Variants in ANKRD17 observed in about 807,000 individuals in gnomAD.
ANKRD17 encodes ankyrin repeat domain-containing protein 17.
Under a neutral mutation model 229.7 loss-of-function variants are expected in ANKRD17, and 19 were observed. The observed-to-expected ratio is 0.08, with a 90% CI of 0.06 to 0.12. The LOEUF (loss-of-function observed/expected upper bound fraction) is 0.12, where lower values mean the gene tolerates loss of function less well. ANKRD17 is among the 10% of genes least tolerant of loss of function. The pLI, the probability that ANKRD17 is intolerant of heterozygous loss-of-function variation, is 1.00. For missense variants in ANKRD17, 2,176 were observed against 3,176.8 expected, an observed-to-expected ratio of 0.68 and a Z score of 7.57; for synonymous variants, 1,112 against 1,146.1, an observed-to-expected ratio of 0.97 and a Z score of 0.60.
intron 27 of ANKRD17, among the ~76,000 whole-genome samples, chr4:73,095,206 G>A (rs972959443): frequency 6.6e-6 from 1 of 151,970 alleles, no homozygotes; most frequent in African/African-American, 2.4e-5. Context: ...TTACTTCCCT[G>A]TATTCTTATA....
chr4:73,095,500 G>C (rs1399024015), intron 27 of ANKRD17, among the ~76,000 whole-genome samples: 1 of 151,276 alleles, frequency 6.6e-6, no homozygotes, highest in Admixed American at 6.6e-5. Context: ...TACTCGGGAG[G>C]CAGAGGCAGG....
chr4:73,088,812 C>G (rs1722474261), intron 29 of ANKRD17, among the ~76,000 whole-genome samples: 1 of 152,112 alleles, frequency 6.6e-6, no homozygotes, highest in Admixed American at 6.5e-5. Flanking sequence ...CCCGGAATGT[C>G]ATATTTCCAA....
intron 16 of ANKRD17, among the ~76,000 whole-genome samples, chr4:73,134,315 T>G (rs1438481254): frequency 1.3e-5 from 2 of 152,146 alleles, no homozygotes; most frequent in African/African-American, 2.4e-5. Flanking sequence ...TATATAAAAT[T>G]AAAAGTTTTA....
At position 73,258,769 on chromosome 4, in the gene ANKRD17, T is replaced by C; in HGVS notation, c.-101A>G. ...GGCCGACACAGCAATCGGTGCCGCC[T>C]CCGCCGCCACCGCCTCGGTCACCTC... On this transcript the variant is annotated 5_prime_UTR_variant, in exon 1 of 34. Coordinates refer to ENST00000358602, the MANE Select transcript of ANKRD17 (RefSeq NM_032217.5). The C allele has an allele frequency of 8.2e-7, 1 of 1,224,458 alleles. No individual in the cohort carries two copies. The highest frequency in any genetic ancestry group is 1.0e-6 in the Non-Finnish European group (1 of 983,508). The allele number at this position is 1,224,458 out of a possible 1,614,324, so 75.8% of individuals were successfully genotyped here.
intron 14 of ANKRD17, among the ~76,000 whole-genome samples, chr4:73,140,857 C>G (rs1729508886): frequency 6.6e-6 from 1 of 152,178 alleles, no homozygotes; most frequent in East Asian, 1.9e-4. Context: ...GATATAAATT[C>G]ACATATTCAC....
intron 1 of ANKRD17, among the ~76,000 whole-genome samples, chr4:73,204,564 C>T (rs946344237): frequency 2.6e-5 from 4 of 151,668 alleles, no homozygotes; most frequent in Admixed American, 6.6e-5. Flanking sequence ...GAAAATGATA[C>T]CTAATAAAAC....
At chr4:73,082,881 C>T (rs1040988023) in intron 30 of ANKRD17, among the ~76,000 whole-genome samples, 4 of 152,062 alleles carry the variant, frequency 2.6e-5, no homozygotes, top group African/African-American at 7.2e-5. Context: ...TGTAAATATG[C>T]ACCATATATT....
intron 30 of ANKRD17, among the ~76,000 whole-genome samples, chr4:73,080,106 C>T (rs1721411502): frequency 6.6e-6 from 1 of 151,804 alleles, no homozygotes; most frequent in South Asian, 2.1e-4. Flanking sequence ...ATGACTCCAT[C>T]CCCCCTCCCC....
At chr4:73,167,495 T>C (rs763316683) in intron 2 of ANKRD17, among the ~76,000 whole-genome samples, 4 of 152,252 alleles carry the variant, frequency 2.6e-5, no homozygotes, top group Non-Finnish European at 5.9e-5. Flanking sequence ...TTGAATCTTC[T>C]TGTGCCTCTT....
At chr4:73,126,920 A>G (rs1727550768) in intron 16 of ANKRD17, among the ~76,000 whole-genome samples, 3 of 152,124 alleles carry the variant, frequency 2.0e-5, no homozygotes, top group Admixed American at 2.0e-4. Context: ...GTACTCTACA[A>G]GCAACATGTG....
At chr4:73,179,592 C>T (rs1735275637) in intron 1 of ANKRD17, among the ~76,000 whole-genome samples, 1 of 143,136 alleles carries the variant, frequency 7.0e-6, no homozygotes, top group East Asian at 2.1e-4. Flanking sequence ...CTCCTGGGAT[C>T]AAGTAATCCT....
intron 3 of ANKRD17, among the ~76,000 whole-genome samples, 164 bp downstream of exon 3, chr4:73,161,028 A>C (rs1732459333): frequency 6.6e-6 from 1 of 152,236 alleles, no homozygotes; most frequent in African/African-American, 2.4e-5. Flanking sequence ...GTAAAAACAA[A>C]ATCTATACCT....
Position 73,098,368 on chromosome 4 carries a change from T to A in ANKRD17, c.4726A>T (p.Ile1576Phe). The A allele has an allele frequency of 6.2e-7, 1 of 1,614,222 alleles. No homozygotes were observed. The highest frequency in any genetic ancestry group is 8.5e-7 in the Non-Finnish European group (1 of 1,180,030). Residue 1576 changes from isoleucine (I) to phenylalanine (F), a missense_variant, in exon 26 of 34, where the codon ATT (isoleucine) becomes TTT (phenylalanine). Around this residue, in one of 18 missense-constraint regions of ANKRD17, gnomAD observed 105 missense variants for 118.3 expected, o/e 0.89. Coordinates refer to ENST00000358602, the MANE Select transcript of ANKRD17 (RefSeq NM_032217.5). ...SSKRKNRKNK[I>F]TPENVQIIFD... is the part of the protein sequence containing the mutation. ...ATAATTTGAACGTTTTCTGGAGTAA[T>A]TTTATTTTTCCTGTTTTTCCTCTTT...
intron 16 of ANKRD17, among the ~76,000 whole-genome samples, chr4:73,132,680 T>C (rs1412165009): frequency 6.6e-6 from 1 of 152,120 alleles, no homozygotes; most frequent in Non-Finnish European, 1.5e-5. Flanking sequence ...AAAATGTAAG[T>C]TTAAAAATAA....
Position 73,193,764 on chromosome 4 carries a change from T to G in ANKRD17, c.394-16231A>C, listed in dbSNP as rs540464938. 3.3e-5 allele frequency among the ~76,000 whole-genome samples: 5 copies of G among 152,036 alleles called. No homozygotes were observed. In the East Asian group the frequency reaches 9.7e-4, roughly 29 times the overall value. On this transcript the variant is annotated intron_variant, in intron 1 of 33. Transcript: ENST00000358602. ...CCCTGGTCAACGTGGCAAAATCCCATCTCCACAAAAAATACAAAAACTAGC... is the reference window on the plus strand; with the variant it reads ...CCCTGGTCAACGTGGCAAAATCCCAGCTCCACAAAAAATACAAAAACTAGC...
chr4:73,078,408 C>A (rs923652464), intron 31 of ANKRD17, among the ~76,000 whole-genome samples: 1 of 151,926 alleles, frequency 6.6e-6, no homozygotes, highest in African/African-American at 2.4e-5. Context: ...CATGGTGGCG[C>A]ATGCCTGTAA....
chr4:73,144,156 G>A (rs921947134), intron 11 of ANKRD17, among the ~76,000 whole-genome samples: 4 of 152,132 alleles, frequency 2.6e-5, no homozygotes, highest in Non-Finnish European at 5.9e-5. Flanking sequence ...TAGTAAGCAC[G>A]TTAAGAAACA....
intron 25 of ANKRD17, among the ~76,000 whole-genome samples, chr4:73,100,352 A>T (rs1355949757): frequency 6.6e-6 from 1 of 151,862 alleles, no homozygotes; most frequent in Non-Finnish European, 1.5e-5. Flanking sequence ...TCGACCATAA[A>T]GGGTGTAGGG....
At chr4:73,084,311 C>G (rs530990842) in intron 30 of ANKRD17, among the ~76,000 whole-genome samples, 1 of 152,210 alleles carries the variant, frequency 6.6e-6, no homozygotes, top group East Asian at 1.9e-4. Flanking sequence ...CATTGCACTA[C>G]AGCCTGGGTG....
Sources: allele counts gnomAD v4.1 joint callset (sites outside exome capture counted in the v4.1 genomes callset), GRCh38; gene constraint gnomAD v4.1.1; regional missense constraint gnomAD v4.1.1; transcripts MANE v1.5; gene names NCBI Gene and HGNC (gene_info 2026-07-23, HGNC 2026-07-21).